LDAH: variants seen among roughly 807,000 people sequenced by gnomAD.
The protein encoded by LDAH is lipid droplet associated hydrolase.
LDAH carries 26 observed loss-of-function variants against 29.6 expected under a neutral mutation model. The ratio of observed to expected loss-of-function variants is 0.88; its 90% CI spans 0.64 to 1.22. The LOEUF (loss-of-function observed/expected upper bound fraction) is 1.22, where lower values mean the gene tolerates loss of function less well. Ranked by LOEUF, LDAH falls within the 50% of genes most tolerant of loss-of-function variation. The pLI, the probability that LDAH is intolerant of heterozygous loss-of-function variation, is 0.00. For missense variants in LDAH, 344 were observed against 387.3 expected, an observed-to-expected ratio of 0.89 and a Z score of 0.94; for synonymous variants, 117 against 133.0, an observed-to-expected ratio of 0.88 and a Z score of 0.83.
At chr2:20,722,971 A>G (rs1665766515) in intron 5 of LDAH, among the ~76,000 whole-genome samples, 1 of 152,192 alleles carries the variant, frequency 6.6e-6, no homozygotes, top group African/African-American at 2.4e-5. Flanking sequence ...TATGCATACC[A>G]TATGACCTCT....
intron 2 of LDAH, among the ~76,000 whole-genome samples, chr2:20,799,913 TGAA>T: frequency 6.6e-6 from 1 of 152,036 alleles, no homozygotes; most frequent in East Asian, 1.9e-4. Context: ...TTAAAAAACA[TGAA>T]GAACACATGA....
chr2:20,801,944 G>A (rs1308807908), intron 1 of LDAH, among the ~76,000 whole-genome samples: 8 of 148,316 alleles, frequency 5.4e-5, no homozygotes, highest in African/African-American at 1.8e-4. Context: ...GTGTGTGTGT[G>A]TGTGTGTGTG....
At chr2:20,702,598 A>C (rs891304981) in intron 5 of LDAH, among the ~76,000 whole-genome samples, 2 of 151,870 alleles carry the variant, frequency 1.3e-5, no homozygotes, top group Non-Finnish European at 2.9e-5. Context: ...TTTCCTCCCC[A>C]CCCAGGATTT....
chr2:20,725,085 CT>C (rs1665918856), intron 5 of LDAH, among the ~76,000 whole-genome samples: 1 of 152,106 alleles, frequency 6.6e-6, no homozygotes, highest in Admixed American at 6.6e-5. Context: ...TCACTTTGAT[CT>C]TATTTAAAAG....
chr2:20,728,465 T>C (rs1254159996), intron 5 of LDAH, among the ~76,000 whole-genome samples: 1 of 152,162 alleles, frequency 6.6e-6, no homozygotes, highest in Non-Finnish European at 1.5e-5. Flanking sequence ...ATTAGTTATG[T>C]CCACTATTCA....
At chr2:20,779,084 G>A (rs1399584715) in intron 3 of LDAH, among the ~76,000 whole-genome samples, 2 of 152,146 alleles carry the variant, frequency 1.3e-5, no homozygotes, top group Non-Finnish European at 2.9e-5. Context: ...TCTGCAGACA[G>A]TAACTACATC....
chr2:20,747,737 C>A (rs922352046), intron 4 of LDAH, among the ~76,000 whole-genome samples: 1 of 152,166 alleles, frequency 6.6e-6, no homozygotes, highest in South Asian at 2.1e-4. Context: ...GAATATGCCT[C>A]GCAGGGAAGT....
At chr2:20,774,760 G>T (rs771637081) in intron 4 of LDAH, 50 bp downstream of exon 4, 1 of 1,563,620 alleles carries the variant, frequency 6.4e-7, no homozygotes, top group East Asian at 2.2e-5. Context: ...AGGAGGATTT[G>T]TGCAGGCACA....
At chr2:20,745,335 T>C (rs375413934) in intron 4 of LDAH, among the ~76,000 whole-genome samples, 1 of 152,212 alleles carries the variant, frequency 6.6e-6, no homozygotes, top group African/African-American at 2.4e-5. Context: ...ATTTTGTTTT[T>C]CTAATAGACA....
At chr2:20,704,030 T>G (rs529013799) in intron 5 of LDAH, among the ~76,000 whole-genome samples, 5 of 152,194 alleles carry the variant, frequency 3.3e-5, no homozygotes, top group African/African-American at 1.2e-4. Context: ...GCCTATTTTA[T>G]GTAAAATTCA....
chr2:20,700,918 T>C (rs909761618), intron 6 of LDAH, among the ~76,000 whole-genome samples: 1 of 152,164 alleles, frequency 6.6e-6, no homozygotes, highest in Non-Finnish European at 1.5e-5. Context: ...ATGTGGCTAG[T>C]GGCTATAATA....
intron 6 of LDAH, among the ~76,000 whole-genome samples, chr2:20,690,714 G>A (rs533252683): frequency 6.6e-6 from 1 of 152,100 alleles, no homozygotes; most frequent in South Asian, 2.1e-4. Context: ...GAGGAGGGGT[G>A]AAGTAGAAAG....
At chr2:20,726,466 G>C (rs562647238) in intron 5 of LDAH, among the ~76,000 whole-genome samples, 1 of 152,198 alleles carries the variant, frequency 6.6e-6, no homozygotes, top group Non-Finnish European at 1.5e-5. Flanking sequence ...GCAGAGTAAG[G>C]CTGGGTACTC....
intron 1 of LDAH, among the ~76,000 whole-genome samples, chr2:20,817,676 G>A (rs1001344366): frequency 6.6e-6 from 1 of 152,076 alleles, no homozygotes; most frequent in Non-Finnish European, 1.5e-5. Flanking sequence ...TTATCCCAGA[G>A]GGGGAAAAAT....
At chr2:20,766,869 C>T (rs1320416660) in intron 4 of LDAH, among the ~76,000 whole-genome samples, 1 of 152,144 alleles carries the variant, frequency 6.6e-6, no homozygotes, top group Non-Finnish European at 1.5e-5. Flanking sequence ...ACGCCTGCTT[C>T]GGGGACCGGC....
intron 2 of LDAH, among the ~76,000 whole-genome samples, chr2:20,791,064 T>C (rs757139292): frequency 6.6e-6 from 1 of 152,234 alleles, no homozygotes; most frequent in African/African-American, 2.4e-5. Flanking sequence ...ATCTATTTCT[T>C]CATGTTGTTA....
intron 4 of LDAH, among the ~76,000 whole-genome samples, chr2:20,771,052 T>C (rs550908279): frequency 6.6e-6 from 1 of 152,348 alleles, no homozygotes; most frequent in Non-Finnish European, 1.5e-5. Context: ...AAATTCCCTA[T>C]ACTGAGCACT....
intron 5 of LDAH, among the ~76,000 whole-genome samples, chr2:20,732,831 C>T (rs1380942789): frequency 6.6e-6 from 1 of 151,888 alleles, no homozygotes; most frequent in Non-Finnish European, 1.5e-5. Flanking sequence ...TTCAAAGTAG[C>T]CACTTTCTTC....
intron 6 of LDAH, among the ~76,000 whole-genome samples, chr2:20,696,326 A>G (rs1358047960): frequency 6.6e-6 from 1 of 152,178 alleles, no homozygotes; most frequent in Non-Finnish European, 1.5e-5. Flanking sequence ...GGATGGGGAG[A>G]GAGCAATAGC....
Sources: gnomAD v4.1 joint callset for allele counts (sites outside exome capture counted in the v4.1 genomes callset) on GRCh38, gnomAD v4.1.1 for gene constraint, MANE v1.5 for transcripts, NCBI Gene and HGNC (gene_info 2026-07-23, HGNC 2026-07-21) for gene names.